Variants in LGR6 observed in about 807,000 individuals in gnomAD.
LGR6 encodes leucine rich repeat containing G protein-coupled receptor 6.
In LGR6, 45 loss-of-function variants were observed where a neutral mutation model predicts 69.4. The ratio of observed to expected loss-of-function variants is 0.65; its 90% confidence interval spans 0.51 to 0.83. LGR6 has a LOEUF of 0.83. Among genes scored for constraint, LGR6 ranks in the 40% least tolerant of loss-of-function variants. LGR6 has a pLI of 0.00. For missense variants in LGR6, 1,108 were observed against 1,246.7 expected, an observed-to-expected ratio of 0.89 and a Z score of 1.68; for synonymous variants, 538 against 555.0, an observed-to-expected ratio of 0.97 and a Z score of 0.43.
At chr1:202,195,146 C>T (rs1212407265) in intron 1 of LGR6, among the ~76,000 whole-genome samples, 1 of 142,936 alleles carries the variant, frequency 7.0e-6, no homozygotes, top group African/African-American at 2.6e-5. Flanking sequence ...TATCAACTTC[C>T]TCAGAGGAGC....
intron 1 of LGR6, among the ~76,000 whole-genome samples, chr1:202,224,330 C>A (rs1052029937): frequency 2.0e-5 from 3 of 152,136 alleles, no homozygotes; most frequent in Admixed American, 2.0e-4. Context: ...GACAGTGACA[C>A]TGAAACCACC....
intron 6 of LGR6, among the ~76,000 whole-genome samples, chr1:202,288,647 A>G (rs1666575102): frequency 6.6e-6 from 1 of 152,078 alleles, no homozygotes; most frequent in South Asian, 2.1e-4. Context: ...CCCTAGATGT[A>G]AGTGTCCTCT....
At chr1:202,205,481 T>C (rs1571809718) in intron 1 of LGR6, among the ~76,000 whole-genome samples, 7 of 2,822 alleles carry the variant, frequency 2.5e-3, no homozygotes, top group East Asian at 0.013. Context: ...CACACCTCCT[T>C]CAAACACACA....
chr1:202,215,039 G>A (rs748796384), intron 1 of LGR6, among the ~76,000 whole-genome samples: 47 of 150,316 alleles, frequency 3.1e-4, no homozygotes, highest in Non-Finnish European at 5.2e-4. Context: ...GCGCGTTGGT[G>A]AGTTGAGTTG....
At chr1:202,226,208 G>A (rs1869105) in intron 2 of LGR6, among the ~76,000 whole-genome samples, 108,589 of 151,866 alleles carry the variant, frequency 0.72, 41,236 homozygotes, top group East Asian at 0.93. Flanking sequence ...CTGCTCTGGG[G>A]AGCCAGGTCA....
chr1:202,288,478 T>C (rs1475725993), intron 6 of LGR6, among the ~76,000 whole-genome samples: 1 of 152,188 alleles, frequency 6.6e-6, no homozygotes, highest in Admixed American at 6.5e-5. Context: ...TTTCAACAAA[T>C]AGATTTATGG....
chr1:202,238,321 C>T (rs751446712), intron 4 of LGR6, among the ~76,000 whole-genome samples: 10 of 151,008 alleles, frequency 6.6e-5, no homozygotes, highest in Non-Finnish European at 2.9e-5. Context: ...AGGCTGGTCT[C>T]GAACTCCTGA....
intron 3 of LGR6, among the ~76,000 whole-genome samples, 199 bp downstream of exon 3, chr1:202,228,206 T>C (rs915412606): frequency 1.4e-4 from 22 of 152,250 alleles, no homozygotes; most frequent in African/African-American, 5.3e-4. Flanking sequence ...AATAAACATT[T>C]AATTGTACCT....
At chr1:202,278,469 GA>G (rs1348629211) in intron 5 of LGR6, among the ~76,000 whole-genome samples, 1 of 152,160 alleles carries the variant, frequency 6.6e-6, no homozygotes. Flanking sequence ...ACTAAGGAAA[GA>G]AAACCTACTG....
At chr1:202,296,834 A>G (rs1404682603) in intron 6 of LGR6, among the ~76,000 whole-genome samples, 1 of 152,230 alleles carries the variant, frequency 6.6e-6, no homozygotes, top group East Asian at 1.9e-4. Flanking sequence ...AATAGTTTCT[A>G]AAGGGTTGTA....
intron 2 of LGR6, among the ~76,000 whole-genome samples, chr1:202,227,496 C>T (rs1660649157): frequency 2.0e-5 from 3 of 152,192 alleles, no homozygotes; most frequent in East Asian, 3.9e-4. Flanking sequence ...TGGAGAGACA[C>T]AGACACACCC....
chr1:202,253,958 A>G (rs1571902913), intron 4 of LGR6, among the ~76,000 whole-genome samples: 4 of 150,606 alleles, frequency 2.7e-5, no homozygotes, highest in Admixed American at 2.6e-4. Context: ...GGCACCCGCC[A>G]CTACGCCCGG....
At chr1:202,264,111 G>A (rs1421297246) in intron 4 of LGR6, among the ~76,000 whole-genome samples, 4 of 152,032 alleles carry the variant, frequency 2.6e-5, no homozygotes, top group Non-Finnish European at 5.9e-5. Flanking sequence ...AAACTATACA[G>A]GTATAACCTC....
intron 6 of LGR6, among the ~76,000 whole-genome samples, chr1:202,293,820 G>C (rs572439555): frequency 6.6e-6 from 1 of 152,092 alleles, no homozygotes; most frequent in African/African-American, 2.4e-5. Flanking sequence ...CCCATTTCTC[G>C]ACAAAAATAG....
At chr1:202,256,287 A>T (rs1663766714) in intron 4 of LGR6, among the ~76,000 whole-genome samples, 1 of 152,054 alleles carries the variant, frequency 6.6e-6, no homozygotes, top group African/African-American at 2.4e-5. Flanking sequence ...TCAGCCACCC[A>T]GGCTGGAGTG....
chr1:202,299,862 A>C (rs551184939), intron 7 of LGR6, among the ~76,000 whole-genome samples: 1 of 152,226 alleles, frequency 6.6e-6, no homozygotes, highest in African/African-American at 2.4e-5. Context: ...CGCACAGGTT[A>C]TGTACTTTTC....
At chr1:202,285,705 G>C (rs1666341687) in intron 6 of LGR6, among the ~76,000 whole-genome samples, 1 of 152,162 alleles carries the variant, frequency 6.6e-6, no homozygotes, top group African/African-American at 2.4e-5. Context: ...TCCATGCTGT[G>C]TCTCATCTCC....
chr1:202,317,058 C>T (rs1235585103), intron 17 of LGR6, among the ~76,000 whole-genome samples: 1 of 152,160 alleles, frequency 6.6e-6, no homozygotes, highest in East Asian at 1.9e-4. Flanking sequence ...CAAGGGAGAG[C>T]CAGCCTGGTA....
intron 1 of LGR6, 33 bp from the exon 2 acceptor site, chr1:202,225,390 T>C (rs1362671757): frequency 6.2e-7 from 1 of 1,604,728 alleles, no homozygotes; most frequent in East Asian, 2.2e-5. Flanking sequence ...AGTGGGGAGT[T>C]CACAGCTCCT....
Sources: allele counts gnomAD v4.1 joint callset (sites outside exome capture counted in the v4.1 genomes callset), GRCh38; gene constraint gnomAD v4.1.1; transcripts MANE v1.5; gene names NCBI Gene and HGNC (gene_info 2026-07-23, HGNC 2026-07-21).